The following RAD54B variants were observed in gnomAD, a reference collection of about 807,000 sequenced individuals.
RAD54B encodes the protein DNA repair and recombination protein RAD54B.
RAD54B carries 78 observed loss-of-function variants against 95.8 expected under a neutral mutation model. The ratio of observed to expected loss-of-function variants is 0.81; its 90% CI spans 0.68 to 0.98. The LOEUF is 0.98. Among genes scored for constraint, RAD54B ranks in the 50% least tolerant of loss-of-function variants. RAD54B has a pLI of 0.00. For missense variants in RAD54B, 957 were observed against 1,056.6 expected (o/e 0.91, Z 1.31); for synonymous variants, 328 against 354.9 (o/e 0.92, Z 0.85).
chr8:94,386,685 G>A (rs1469952880), intron 11 of RAD54B, among the ~76,000 whole-genome samples: 4 of 152,024 alleles, frequency 2.6e-5, no homozygotes, highest in African/African-American at 9.7e-5. Context: ...ATCCTAAGGT[G>A]TATCAGTATT....
chr8:94,417,686 G>T (rs1262669205), intron 3 of RAD54B, among the ~76,000 whole-genome samples: 1 of 150,164 alleles, frequency 6.7e-6, no homozygotes, highest in Admixed American at 6.6e-5. Flanking sequence ...GAAGAAGAAA[G>T]AAAAAGAAGA....
intron 1 of RAD54B, among the ~76,000 whole-genome samples, chr8:94,473,435 T>C (rs768560320): frequency 1.3e-5 from 2 of 152,222 alleles, no homozygotes; most frequent in Non-Finnish European, 2.9e-5. Context: ...TTTGGCTCCA[T>C]GTGTCTCAGT....
chr8:94,432,798 C>A (rs1056205947), intron 3 of RAD54B: 1 of 1,116,430 alleles, frequency 9.0e-7, no homozygotes, highest in Non-Finnish European at 1.2e-6. Context: ...ATCTTAAACA[C>A]TTGAAATACA....
chr8:94,448,139 G>C (rs1486816069), intron 3 of RAD54B, among the ~76,000 whole-genome samples: 1 of 152,114 alleles, frequency 6.6e-6, no homozygotes, highest in African/African-American at 2.4e-5. Flanking sequence ...TGAAAGACAA[G>C]ATAGGAAGAC....
At chr8:94,415,210 C>A (rs1811632003) in intron 3 of RAD54B, among the ~76,000 whole-genome samples, 2 of 151,630 alleles carry the variant, frequency 1.3e-5, no homozygotes, top group Non-Finnish European at 2.9e-5. Flanking sequence ...AGAAATAACA[C>A]CGCATATCTA....
intron 8 of RAD54B, among the ~76,000 whole-genome samples, chr8:94,396,257 GAA>G (rs72247843): frequency 7.4e-6 from 1 of 135,390 alleles, no homozygotes; most frequent in African/African-American, 2.6e-5. Context: ...ACCTGTAGAA[GAA>G]AAAAAAAAAA....
intron 3 of RAD54B, among the ~76,000 whole-genome samples, chr8:94,446,941 A>G (rs934434334): frequency 1.3e-5 from 2 of 151,572 alleles, no homozygotes; most frequent in Non-Finnish European, 2.9e-5. Flanking sequence ...TATGTTTGAT[A>G]TAATCACAAT....
intron 3 of RAD54B, among the ~76,000 whole-genome samples, chr8:94,424,030 G>T (rs1811883728): frequency 2.0e-5 from 3 of 152,138 alleles, no homozygotes; most frequent in Non-Finnish European, 2.9e-5. Flanking sequence ...GGGTCTAAGA[G>T]AATGGATGTT....
At chr8:94,418,723 G>A (rs1005326830) in intron 3 of RAD54B, among the ~76,000 whole-genome samples, 49 of 151,982 alleles carry the variant, frequency 3.2e-4, no homozygotes, top group Admixed American at 2.0e-3. Flanking sequence ...GTATACAACC[G>A]TTTCAAAAAT....
chr8:94,463,880 C>G (rs1379959308), intron 2 of RAD54B, among the ~76,000 whole-genome samples: 1 of 113,342 alleles, frequency 8.8e-6, no homozygotes, highest in Admixed American at 1.1e-4. Flanking sequence ...GTGCCATCAT[C>G]AAGACCCTAT....
intron 3 of RAD54B, among the ~76,000 whole-genome samples, chr8:94,447,781 T>C (rs991008927): frequency 1.3e-5 from 2 of 152,194 alleles, no homozygotes; most frequent in African/African-American, 4.8e-5. Flanking sequence ...GCCACAGTAG[T>C]TGCTGGGATC....
intron 1 of RAD54B, among the ~76,000 whole-genome samples, chr8:94,469,566 CATG>C (rs1385168281): frequency 6.6e-6 from 1 of 152,216 alleles, no homozygotes; most frequent in Non-Finnish European, 1.5e-5. Flanking sequence ...ATACTATAAG[CATG>C]ATATCTTCTT....
intron 3 of RAD54B, among the ~76,000 whole-genome samples, chr8:94,454,029 C>T (rs184080611): frequency 0.014 from 2,200 of 151,930 alleles, 21 homozygotes; most frequent in Non-Finnish European, 0.021. Context: ...GACCTCAGGT[C>T]ATCCACCCGC....
At chr8:94,434,743 T>G (rs1465374283) in intron 3 of RAD54B, among the ~76,000 whole-genome samples, 2 of 151,642 alleles carry the variant, frequency 1.3e-5, no homozygotes, top group Non-Finnish European at 3.0e-5. Context: ...AATGTCAATG[T>G]AGACACAGTA....
intron 3 of RAD54B, among the ~76,000 whole-genome samples, chr8:94,414,025 G>C (rs539524075): frequency 6.6e-6 from 1 of 151,800 alleles, no homozygotes; most frequent in Non-Finnish European, 1.5e-5. Flanking sequence ...TAGCAGAGAC[G>C]GGGTTTCACC....
chr8:94,415,054 G>A (rs1811626082), intron 3 of RAD54B, among the ~76,000 whole-genome samples: 1 of 151,532 alleles, frequency 6.6e-6, no homozygotes, highest in African/African-American at 2.4e-5. Context: ...AGCCCGCATT[G>A]CCAAGTCAAT....
At position 94,411,184 on chromosome 8, in the gene RAD54B, C is replaced by T. The variant is rs143019153; in HGVS notation, c.436G>A (p.Val146Ile). Residue 146 changes from valine to isoleucine, a missense_variant, in exon 4 of 15, where the codon GTT (valine) becomes ATT (isoleucine). Val to Ile is a conservative substitution (Grantham distance 29). Coordinates refer to ENST00000336148, the MANE Select transcript of RAD54B (RefSeq NM_012415.3). ...KKHKKWEGDA[V>I]LIVKGKSFIL... ...AATGACTTTCCTTTTACAATAAGAACAGCATCACCTTCCCACTTTTTATGT... is the reference window on the plus strand; with the variant it reads ...AATGACTTTCCTTTTACAATAAGAATAGCATCACCTTCCCACTTTTTATGT... 20 of 1,611,002 alleles carry T rather than the reference C, an allele frequency of 1.2e-5. No homozygotes were observed. In the Admixed American group the frequency reaches 1.3e-4, roughly 11 times the overall value.
intron 3 of RAD54B, among the ~76,000 whole-genome samples, chr8:94,420,886 G>A (rs557629113): frequency 2.0e-5 from 3 of 151,610 alleles, no homozygotes; most frequent in African/African-American, 7.3e-5. Context: ...TCAGGAGGCT[G>A]AGGCAGAAGA....
chr8:94,449,150 T>C (rs1366395293), intron 3 of RAD54B, among the ~76,000 whole-genome samples: 2 of 151,806 alleles, frequency 1.3e-5, no homozygotes, highest in African/African-American at 2.4e-5. Flanking sequence ...ATGTTTTAAA[T>C]TGAGCTTTAA....
Sources: allele counts gnomAD v4.1 joint callset (sites outside exome capture counted in the v4.1 genomes callset), GRCh38; gene constraint gnomAD v4.1.1; transcripts MANE v1.5; gene names NCBI Gene and HGNC (gene_info 2026-07-23, HGNC 2026-07-21).